PTPRM: variants seen among roughly 807,000 people sequenced by gnomAD.
The protein encoded by PTPRM is protein tyrosine phosphatase receptor type M, also known as receptor-type tyrosine-protein phosphatase mu.
A neutral mutation model predicts 186.7 loss-of-function variants in PTPRM; 47 were observed. That is an observed-to-expected ratio of 0.25 (90% CI 0.20 to 0.32). PTPRM has a LOEUF of 0.32. Ranked by LOEUF, PTPRM falls within the 10% of genes least tolerant of loss-of-function variation. The probability of loss-of-function intolerance (pLI) is 1.00; values close to 1 mark genes in which losing one functional copy is unlikely to be tolerated. For missense variants in PTPRM, 1,494 were observed against 1,865.0 expected, an observed-to-expected ratio of 0.80 and a Z score of 3.66; for synonymous variants, 668 against 674.9, an observed-to-expected ratio of 0.99 and a Z score of 0.16.
chr18:7,934,025 C>G (rs1337771980), intron 5 of PTPRM, among the ~76,000 whole-genome samples: 1 of 152,200 alleles, frequency 6.6e-6, no homozygotes, highest in Non-Finnish European at 1.5e-5. Flanking sequence ...CTAATTCTTC[C>G]TGTAAAAACT....
Position 7,577,011 on chromosome 18 carries a change from A to G in PTPRM, c.73+9120A>G, listed in dbSNP as rs549830139. On this transcript the variant is annotated intron_variant, in intron 1 of 32. Transcript: ENST00000580170. ...TAGTCACTCAATAAATATTTGTTGA[A>G]TGAATGAAGAAACAATTTAAAGAAG... Among the ~76,000 whole-genome samples the G allele has an allele frequency of 2.0e-5, 3 of 152,352 alleles. No individual in the cohort carries two copies. The South Asian group carries it at 6.2e-4, about 32-fold the overall frequency.
intron 2 of PTPRM, among the ~76,000 whole-genome samples, chr18:7,868,437 T>G (rs757003973): frequency 2.6e-5 from 4 of 152,218 alleles, no homozygotes; most frequent in Admixed American, 6.5e-5. Context: ...TTAGTTTTCC[T>G]TCTAACATTC....
intron 11 of PTPRM, among the ~76,000 whole-genome samples, chr18:8,090,070 T>G (rs2090629644): frequency 6.6e-6 from 1 of 152,160 alleles, no homozygotes; most frequent in East Asian, 1.9e-4. Flanking sequence ...ATAGTGTTAC[T>G]GCTACCTTTC....
chr18:8,092,649 G>A (rs2090805498), intron 11 of PTPRM, among the ~76,000 whole-genome samples: 1 of 152,016 alleles, frequency 6.6e-6, no homozygotes, highest in African/African-American at 2.4e-5. Context: ...AATTTGGAAA[G>A]CAGGGCACCT....
intron 19 of PTPRM, among the ~76,000 whole-genome samples, chr18:8,268,460 C>G (rs2094728895): frequency 6.6e-6 from 1 of 152,084 alleles, no homozygotes; most frequent in South Asian, 2.1e-4. Flanking sequence ...AAGAAAAGTT[C>G]ATGTCCAGAT....
chr18:7,933,581 T>C (rs893288902), intron 5 of PTPRM, among the ~76,000 whole-genome samples: 2 of 152,208 alleles, frequency 1.3e-5, no homozygotes, highest in Non-Finnish European at 2.9e-5. Flanking sequence ...AAAACACTGG[T>C]ACAACCGAGC....
At chr18:8,343,383 T>G (rs16953329) in intron 22 of PTPRM, 40 bp from the exon 23 acceptor site, 118,015 of 1,588,908 alleles carry the variant, frequency 0.074, 4,693 homozygotes, top group South Asian at 0.093. Flanking sequence ...AGTTGAAACT[T>G]ACAACAAAAA....
intron 11 of PTPRM, among the ~76,000 whole-genome samples, chr18:8,107,287 G>T (rs887060544): frequency 2.0e-5 from 3 of 152,174 alleles, no homozygotes; most frequent in South Asian, 2.1e-4. Flanking sequence ...TCGAAATGTG[G>T]TGCCTGTTGT....
At chr18:7,897,301 T>C (rs1471651538) in intron 3 of PTPRM, among the ~76,000 whole-genome samples, 1 of 152,220 alleles carries the variant, frequency 6.6e-6, no homozygotes, top group Non-Finnish European at 1.5e-5. Flanking sequence ...GGAATACTGA[T>C]ATGTGCCAGT....
At chr18:7,826,792 T>A (rs2045506972) in intron 2 of PTPRM, among the ~76,000 whole-genome samples, 1 of 152,230 alleles carries the variant, frequency 6.6e-6, no homozygotes, top group African/African-American at 2.4e-5. Context: ...TCCATTTTTT[T>A]AAATTAAAAA....
intron 13 of PTPRM, among the ~76,000 whole-genome samples, chr18:8,120,136 T>G (rs2092116150): frequency 6.6e-6 from 1 of 152,138 alleles, no homozygotes; most frequent in African/African-American, 2.4e-5. Context: ...GGCAATACAT[T>G]AACAATTAAG....
intron 20 of PTPRM, among the ~76,000 whole-genome samples, chr18:8,301,276 T>G (rs2095154625): frequency 6.6e-6 from 1 of 152,154 alleles, no homozygotes; most frequent in African/African-American, 2.4e-5. Context: ...GTAAGTTAAC[T>G]TTTCCCTTAT....
At chr18:7,615,037 T>C (rs952769267) in intron 1 of PTPRM, among the ~76,000 whole-genome samples, 1 of 152,042 alleles carries the variant, frequency 6.6e-6, no homozygotes, top group Non-Finnish European at 1.5e-5. Flanking sequence ...ACCGAGTGGC[T>C]TTTTTCTGTA....
intron 1 of PTPRM, among the ~76,000 whole-genome samples, chr18:7,727,171 G>A (rs1172750984): frequency 6.6e-6 from 1 of 151,998 alleles, no homozygotes; most frequent in Non-Finnish European, 1.5e-5. Flanking sequence ...TGACTAACAG[G>A]GATATTGTAA....
At chr18:8,250,765 G>A (rs562385823) in intron 17 of PTPRM, among the ~76,000 whole-genome samples, 1 of 148,948 alleles carries the variant, frequency 6.7e-6, no homozygotes, top group African/African-American at 2.5e-5. Flanking sequence ...CTCCAGCCTG[G>A]ATGATGGAGA....
chr18:8,346,144 C>T (rs1306808718), intron 23 of PTPRM, among the ~76,000 whole-genome samples: 1 of 152,160 alleles, frequency 6.6e-6, no homozygotes, highest in Non-Finnish European at 1.5e-5. Flanking sequence ...CAGGGAGGAC[C>T]ACCAGCCCGG....
At chr18:8,084,267 G>C (rs1163280466) in intron 9 of PTPRM, among the ~76,000 whole-genome samples, 1 of 152,174 alleles carries the variant, frequency 6.6e-6, no homozygotes, top group Non-Finnish European at 1.5e-5. Flanking sequence ...ATTCATAATA[G>C]AGGTTTAGAT....
chr18:7,824,146 G>T (rs576289188), intron 2 of PTPRM, among the ~76,000 whole-genome samples: 2 of 152,268 alleles, frequency 1.3e-5, no homozygotes, highest in African/African-American at 4.8e-5. Flanking sequence ...CCTCATTGTG[G>T]TCTCCCTTTC....
intron 1 of PTPRM, among the ~76,000 whole-genome samples, chr18:7,620,580 A>T (rs556265155): frequency 6.6e-6 from 1 of 152,158 alleles, no homozygotes. Context: ...GGTGCATTGC[A>T]GTGCTTGAGA....
Sources: gnomAD v4.1 joint callset for allele counts (sites outside exome capture counted in the v4.1 genomes callset) on GRCh38, gnomAD v4.1.1 for gene constraint, MANE v1.5 for transcripts, NCBI Gene and HGNC (gene_info 2026-07-23, HGNC 2026-07-21) for gene names.